The following CLCN3 variants were observed in gnomAD, a reference collection of about 807,000 sequenced individuals.
The protein encoded by CLCN3 is Cl-/H+ antiporter 3.
CLCN3 carries 16 observed loss-of-function variants against 83.4 expected under a neutral mutation model. That is an observed-to-expected ratio of 0.19 (90% CI 0.13 to 0.29). The LOEUF is 0.29. CLCN3 is among the 10% of genes least tolerant of loss of function. CLCN3 has a pLI of 1.00. For synonymous variants in CLCN3, 322 were observed against 346.2 expected, an observed-to-expected ratio of 0.93 and a Z score of 0.78; for missense variants, 544 against 1,006.0, an observed-to-expected ratio of 0.54 and a Z score of 6.21.
chr4:169,692,765 A>G (rs908739267), intron 7 of CLCN3, among the ~76,000 whole-genome samples: 12 of 152,196 alleles, frequency 7.9e-5, no homozygotes, highest in East Asian at 1.9e-4. Context: ...ATCCAGTGCT[A>G]TGGGGAAGTT....
intron 2 of CLCN3, among the ~76,000 whole-genome samples, chr4:169,658,995 C>G (rs946310885): frequency 1.3e-5 from 2 of 152,078 alleles, no homozygotes; most frequent in Admixed American, 1.3e-4. Context: ...CTTTACTGCC[C>G]TCTGAGTTTT....
intron 2 of CLCN3, chr4:169,660,516 C>G (rs1265786032): frequency 1.0e-5 from 11 of 1,104,570 alleles, no homozygotes; most frequent in Non-Finnish European, 1.3e-5. Context: ...GGTCCTCTAG[C>G]TTAAACTGGT....
chr4:169,689,188 A>G lies in CLCN3; in HGVS notation c.564A>G (p.Pro188=). 1 of 1,613,976 alleles carries G rather than the reference A, an allele frequency of 6.2e-7. No individual in the cohort carries two copies. Among genetic ancestry groups the G allele is most frequent in the Non-Finnish European group, 8.5e-7 (1 of 1,179,922 alleles). The change falls in exon 5 of 13, where the codon CCA becomes CCG. Residue 188 remains proline, a synonymous_variant. Transcript: ENST00000513761. ...CATTTGAAGAGAGGGATAAATGTCC[A>G]CAGTGGAAAACATGGGCAGAATTAA... ...ETTFEERDKC[P]QWKTWAELII...
chr4:169,720,238 A>G lies in CLCN3; in HGVS notation c.*241A>G. ...AGGTATTTCCCGTCTAACAGAAAGC[A>G]GCGTATCAACTCCTATTGTTCTGCA... is the stretch of plus-strand genomic sequence containing the variant. On this transcript the variant is annotated 3_prime_UTR_variant, in exon 13 of 13. Transcript: ENST00000513761. 2 of 601,188 alleles carry G rather than the reference A, an allele frequency of 3.3e-6. No homozygotes were observed. The highest frequency in any genetic ancestry group is 4.2e-5 in the South Asian group (2 of 47,428). 37.2% of individuals were successfully genotyped at this position (601,188 alleles called of 1,614,324 possible). A position where few individuals can be genotyped will look rare whatever the true frequency, so the allele number is the denominator to read the frequency against.
intron 2 of CLCN3, among the ~76,000 whole-genome samples, chr4:169,658,189 T>A (rs1160902688): frequency 6.6e-6 from 1 of 151,904 alleles, no homozygotes; most frequent in East Asian, 1.9e-4. Context: ...TGCTAAGGGC[T>A]TGATGTGTTT....
intron 2 of CLCN3, among the ~76,000 whole-genome samples, chr4:169,652,053 C>T (rs1230016200): frequency 1.3e-5 from 2 of 152,108 alleles, no homozygotes; most frequent in African/African-American, 2.4e-5. Context: ...TGAATTGTGA[C>T]ATAACACATC....
In CLCN3 at chr4:169,667,218, C is replaced by A. The variant is rs561064752; in HGVS notation, c.161-12832C>A. On this transcript the variant is annotated intron_variant, in intron 2 of 12. Coordinates refer to ENST00000513761, the MANE Select transcript of CLCN3 (RefSeq NM_001829.4). ...TTTCATTCTTTTGCACGTGAATAGC[C>A]AGTTGTCCCAGCATCATTTATTCAA... is the stretch of plus-strand genomic sequence containing the variant. 9.1e-4 allele frequency among the ~76,000 whole-genome samples: 138 copies of A among 152,096 alleles called. 1 individual carries two copies. Among genetic ancestry groups the A allele is most frequent in the Admixed American group, 9.0e-3 (138 of 15,272 alleles).
At chr4:169,718,340 A>G (rs1733504616) in intron 12 of CLCN3, among the ~76,000 whole-genome samples, 1 of 152,074 alleles carries the variant, frequency 6.6e-6, no homozygotes, top group South Asian at 2.1e-4. Flanking sequence ...GGAGCTTAGC[A>G]ATTAGAACTG....
intron 1 of CLCN3, among the ~76,000 whole-genome samples, chr4:169,635,696 A>C (rs549147161): frequency 6.6e-6 from 1 of 152,262 alleles, no homozygotes; most frequent in South Asian, 2.1e-4. Context: ...ACAATTGGAG[A>C]TCTACCTGGA....
chr4:169,656,530 A>G (rs1242816874), intron 2 of CLCN3, among the ~76,000 whole-genome samples: 1 of 152,184 alleles, frequency 6.6e-6, no homozygotes, highest in Non-Finnish European at 1.5e-5. Flanking sequence ...TGGGGATTAC[A>G]ATGCAACATG....
chr4:169,679,203 C>G (rs1731816441), intron 2 of CLCN3, among the ~76,000 whole-genome samples: 2 of 151,520 alleles, frequency 1.3e-5, no homozygotes, highest in African/African-American at 4.9e-5. Context: ...AGACGCTCCT[C>G]ACCTCCCAGA....
At position 169,697,321 on chromosome 4, in the gene CLCN3, C is replaced by G. The variant is rs1411112290; in HGVS notation, c.1150C>G (p.Pro384Ala). ...LVLFYVEYHT[P>A]WYLFELFPFI... ...CCTTTTTTATGTGGAGTATCATACA[C>G]CATGGTACCTTTTTGAACTGTTTCC... is the stretch of plus-strand genomic sequence containing the variant. Residue 384 changes from proline to alanine, a missense_variant, in exon 9 of 13, where the codon CCA becomes GCA. By Grantham distance (27) the Pro-to-Ala change is conservative. Coordinates refer to ENST00000513761, the MANE Select transcript of CLCN3 (RefSeq NM_001829.4). The G allele has an allele frequency of 6.2e-7, 1 of 1,613,934 alleles. No homozygotes were observed. Among genetic ancestry groups the G allele is most frequent in the Non-Finnish European group, 8.5e-7 (1 of 1,180,010 alleles).
At chr4:169,693,228 G>T (rs549520409) in intron 7 of CLCN3, among the ~76,000 whole-genome samples, 4 of 151,872 alleles carry the variant, frequency 2.6e-5, no homozygotes, top group Non-Finnish European at 5.9e-5. Flanking sequence ...TTTAATGTTC[G>T]CATTAAAATA....
rs1378923607 is a variant in CLCN3, at chr4:169,706,932, A to G, written c.1815A>G (p.Glu605=). The change falls in exon 11 of 13, where the codon GAA becomes GAG. Residue 605 remains glutamate (E), a synonymous_variant. Coordinates refer to ENST00000513761, the MANE Select transcript of CLCN3 (RefSeq NM_001829.4). Reference sequence around the variant, plus strand: ...TTTTTGAGCTTACTGGAGGCTTGGAATATATTGTTCCCCTTATGGCTGCAG... The same window carrying G: ...TTTTTGAGCTTACTGGAGGCTTGGAGTATATTGTTCCCCTTATGGCTGCAG... The part of the protein sequence containing the change: ...VIVFELTGGL[E]YIVPLMAAVM... 2 of 1,614,108 alleles carry G rather than the reference A, an allele frequency of 1.2e-6. No homozygotes were observed. Among genetic ancestry groups the G allele is most frequent in the East Asian group, 4.5e-5 (2 of 44,880 alleles).
chr4:169,692,279 C>T lies in CLCN3; in HGVS notation c.895C>T (p.Leu299Phe), dbSNP rs776334285. 6.2e-7 allele frequency: 1 copy of T among 1,613,390 alleles called. No individual in the cohort carries two copies. The highest frequency in any genetic ancestry group is 8.5e-7 in the Non-Finnish European group (1 of 1,179,494). ...ACCCGNIFSY[L>F]FPKYSTNEAK... ...TTGCTGCGGAAATATCTTTTCCTAC[C>T]TCTTTCCAAAGTATAGCACAAACGA... Residue 299 changes from leucine to phenylalanine, a missense_variant, in exon 7 of 13, where the codon CTC becomes TTC. Around this residue, in one of 6 missense-constraint regions of CLCN3, gnomAD observed 194 missense variants for 341.4 expected, o/e 0.57. Coordinates refer to ENST00000513761, the MANE Select transcript of CLCN3 (RefSeq NM_001829.4).
At chr4:169,624,592 A>G (rs1455894061) in intron 1 of CLCN3, among the ~76,000 whole-genome samples, 1 of 152,120 alleles carries the variant, frequency 6.6e-6, no homozygotes, top group Non-Finnish European at 1.5e-5. Context: ...ATTTTTAGAA[A>G]GCTATTACAG....
intron 1 of CLCN3, among the ~76,000 whole-genome samples, chr4:169,629,225 T>C (rs1394198485): frequency 6.6e-6 from 1 of 152,234 alleles, no homozygotes; most frequent in Non-Finnish European, 1.5e-5. Flanking sequence ...GATATTGTAC[T>C]ATAGTTTTGC....
intron 2 of CLCN3, among the ~76,000 whole-genome samples, chr4:169,652,622 C>T (rs1417766611): frequency 6.6e-6 from 1 of 152,136 alleles, no homozygotes; most frequent in Non-Finnish European, 1.5e-5. Flanking sequence ...TTGTGTGGTA[C>T]TTAGGTCCTT....
chr4:169,692,567 A>G (rs1463733261), intron 7 of CLCN3, among the ~76,000 whole-genome samples: 8 of 152,186 alleles, frequency 5.3e-5, no homozygotes, highest in Non-Finnish European at 8.8e-5. Flanking sequence ...TTTCAGCTGC[A>G]TTTCACGAAG....
Sources: allele counts gnomAD v4.1 joint callset (sites outside exome capture counted in the v4.1 genomes callset), GRCh38; gene constraint gnomAD v4.1.1; regional missense constraint gnomAD v4.1.1; transcripts MANE v1.5; gene names NCBI Gene and HGNC (gene_info 2026-07-23, HGNC 2026-07-21).